The following UBE2V2 variants were observed in gnomAD, a reference collection of about 807,000 sequenced individuals.
The protein encoded by UBE2V2 is ubiquitin-conjugating enzyme E2 variant 2.
A neutral mutation model predicts 17.2 loss-of-function variants in UBE2V2; 9 were observed. That is an observed-to-expected ratio of 0.52 (90% CI 0.32 to 0.91). The LOEUF (loss-of-function observed/expected upper bound fraction) is 0.91, where lower values mean the gene tolerates loss of function less well. Ranked by LOEUF, UBE2V2 falls within the 40% of genes least tolerant of loss-of-function variation. The pLI is 0.04. For missense variants in UBE2V2, 133 were observed against 182.6 expected (o/e 0.73, Z 1.56); for synonymous variants, 61 against 57.5 (o/e 1.06, Z -0.28).
the UBE2V2 span, among the ~76,000 whole-genome samples, chr8:48,000,869 T>A: frequency 7.1e-5 from 10 of 140,140 alleles, no homozygotes; most frequent in South Asian, 2.3e-3. Flanking sequence ...CTCAATACTA[T>A]GAATTCATGT....
chr8:48,014,218 T>C (rs1348796709), intron 1 of UBE2V2, among the ~76,000 whole-genome samples: 1 of 152,204 alleles, frequency 6.6e-6, no homozygotes, highest in African/African-American at 2.4e-5. Context: ...GGCAGTCCTT[T>C]GAACGGCAGT....
chr8:48,059,927 C>T (rs148084527), intron 3 of UBE2V2, among the ~76,000 whole-genome samples: 8 of 151,612 alleles, frequency 5.3e-5, no homozygotes, highest in South Asian at 4.3e-4. Flanking sequence ...TAATTTGGGT[C>T]GGGTGCCGTG....
intron 3 of UBE2V2, among the ~76,000 whole-genome samples, chr8:48,057,343 C>T (rs2091579644): frequency 6.6e-6 from 1 of 151,814 alleles, no homozygotes; most frequent in Admixed American, 6.6e-5. Context: ...GCTCTGTTGC[C>T]CAGGCTGGAG....
At chr8:48,060,070 G>A (rs1802569286) in intron 3 of UBE2V2, among the ~76,000 whole-genome samples, 1 of 151,822 alleles carries the variant, frequency 6.6e-6, no homozygotes, top group Admixed American at 6.6e-5. Context: ...GCCTGGCGTG[G>A]TGGCAGGTGC....
the UBE2V2 span, among the ~76,000 whole-genome samples, chr8:48,000,929 G>A: frequency 6.6e-6 from 1 of 151,830 alleles, no homozygotes; most frequent in Non-Finnish European, 1.5e-5. Context: ...AGAAGGACCA[G>A]GTGTTTCTCT....
At chr8:48,058,472 G>T (rs533052218) in intron 3 of UBE2V2, among the ~76,000 whole-genome samples, 1 of 151,722 alleles carries the variant, frequency 6.6e-6, no homozygotes, top group African/African-American at 2.4e-5. Context: ...TTGGGAGGCT[G>T]AGGTGGGAGG....
At chr8:48,000,300 A>G in the UBE2V2 span, among the ~76,000 whole-genome samples, 936 of 152,310 alleles carry the variant, frequency 6.1e-3, 12 homozygotes, top group African/African-American at 0.022. Context: ...TGTGGCTAAG[A>G]TGGTCCAAAT....
intron 1 of UBE2V2, among the ~76,000 whole-genome samples, chr8:48,019,850 C>T (rs2091293276): frequency 6.6e-6 from 1 of 151,456 alleles, no homozygotes; most frequent in African/African-American, 2.4e-5. Flanking sequence ...TGCCATATGC[C>T]TATAATTCCA....
At chr8:48,031,244 C>CA (rs1563853342) in intron 1 of UBE2V2, among the ~76,000 whole-genome samples, 2 of 151,838 alleles carry the variant, frequency 1.3e-5, no homozygotes, top group African/African-American at 4.8e-5. Flanking sequence ...ACAACAACAA[C>CA]AAAAAAACAA....
At chr8:48,000,525 G>A in the UBE2V2 span, among the ~76,000 whole-genome samples, 2 of 152,142 alleles carry the variant, frequency 1.3e-5, no homozygotes, top group African/African-American at 4.8e-5. Context: ...AGGCCACTAA[G>A]AACTAGTCCT....
chr8:48,021,043 C>A (rs997481146), intron 1 of UBE2V2, among the ~76,000 whole-genome samples: 1 of 150,346 alleles, frequency 6.7e-6, no homozygotes, highest in African/African-American at 2.4e-5. Flanking sequence ...ACTCTGCTGG[C>A]TTGTTATTGC....
chr8:48,027,421 A>T (rs372181148), intron 1 of UBE2V2, among the ~76,000 whole-genome samples: 1 of 152,200 alleles, frequency 6.6e-6, no homozygotes, highest in Admixed American at 6.5e-5. Flanking sequence ...GTTAAGTGGT[A>T]TCTCATTGTG....
At chr8:48,001,145 A>T in the UBE2V2 span, among the ~76,000 whole-genome samples, 1 of 152,186 alleles carries the variant, frequency 6.6e-6, no homozygotes, top group Admixed American at 6.5e-5. Context: ...ATTCAAGGAC[A>T]AAGTAACCGA....
rs548169183 is a variant in UBE2V2, at chr8:48,012,180, TC to T, written c.16+3713del. 2.9e-3 allele frequency among the ~76,000 whole-genome samples: 442 copies of T among 152,240 alleles called. 3 individuals carry two copies. The highest frequency in any genetic ancestry group is 0.01 in the African/African-American group (433 of 41,550). On this transcript the variant is annotated intron_variant, in intron 1 of 3. Transcript: ENST00000523111. ...AATCTTAATTACTCCCTTTCACACT[TC>T]CCTTCTTAGCACAATCCTTGTTTCA... is the stretch of plus-strand genomic sequence containing the variant.
chr8:48,059,731 C>G (rs1802563601), intron 3 of UBE2V2, among the ~76,000 whole-genome samples: 1 of 152,110 alleles, frequency 6.6e-6, no homozygotes, highest in African/African-American at 2.4e-5. Flanking sequence ...TTTGACTCAA[C>G]TTTTTTTGAC....
At chr8:48,033,687 C>T (rs192464257) in intron 1 of UBE2V2, among the ~76,000 whole-genome samples, 16 of 151,934 alleles carry the variant, frequency 1.1e-4, no homozygotes, top group South Asian at 2.1e-4. Flanking sequence ...TGGCTGGGTG[C>T]GGGCTCATAT....
upstream of UBE2V2, among the ~76,000 whole-genome samples, chr8:48,005,259 A>C (rs916979066): frequency 1.3e-5 from 2 of 152,050 alleles, no homozygotes; most frequent in Non-Finnish European, 2.9e-5. Flanking sequence ...ATAAGTGAGA[A>C]CATGAGGTGT....
intron 1 of UBE2V2, among the ~76,000 whole-genome samples, chr8:48,009,108 C>T (rs184010144): frequency 5.2e-4 from 79 of 152,292 alleles, no homozygotes; most frequent in African/African-American, 1.7e-3. Flanking sequence ...CTGTTCAACT[C>T]CTCTTTCCTA....
At chr8:48,007,728 T>C (rs1366273795), upstream of UBE2V2, among the ~76,000 whole-genome samples, 1 of 97,200 alleles carries the variant, frequency 1.0e-5, no homozygotes, top group Non-Finnish European at 2.0e-5. Context: ...ATTACTTTCC[T>C]TTTTCTTTCT....
Sources: allele counts gnomAD v4.1 joint callset (sites outside exome capture counted in the v4.1 genomes callset), GRCh38; gene constraint gnomAD v4.1.1; transcripts MANE v1.5; gene names NCBI Gene and HGNC (gene_info 2026-07-23, HGNC 2026-07-21).